The following EDNRB variants were observed in gnomAD, a reference collection of about 807,000 sequenced individuals.
EDNRB encodes Hirschsprung disease 2.
In EDNRB, 18 loss-of-function variants were observed where a neutral mutation model predicts 46.4. That is an observed-to-expected ratio of 0.39 (90% CI 0.27 to 0.57). The LOEUF is 0.57. EDNRB is among the 20% of genes least tolerant of loss of function. The probability of loss-of-function intolerance (pLI) is 0.61; values close to 1 mark genes in which losing one functional copy is unlikely to be tolerated. For synonymous variants in EDNRB, 213 were observed against 204.9 expected, an observed-to-expected ratio of 1.04 and a Z score of -0.34; for missense variants, 434 against 537.5, an observed-to-expected ratio of 0.81 and a Z score of 1.90.
intron 1 of EDNRB, among the ~76,000 whole-genome samples, chr13:77,958,742 C>T (rs867434871): frequency 2.0e-4 from 31 of 152,196 alleles, no homozygotes; most frequent in African/African-American, 7.2e-4. Flanking sequence ...TAAACAAGAT[C>T]TAAAGAAGTT....
Position 77,946,182 on chromosome 13 carries a change from T to C in EDNRB, c.-51-27558A>G, listed in dbSNP as rs985416217. Among the ~76,000 whole-genome samples the C allele has an allele frequency of 5.1e-4, 78 of 151,998 alleles. 2 individuals carry two copies. The highest frequency in any genetic ancestry group is 5.0e-3 in the Admixed American group (77 of 15,256). ...TGTAGATAAATTGCACACCTGTTTCTCTATAGAACAGTTATCTAAAGAAAA... is the reference window on the plus strand; with the variant it reads ...TGTAGATAAATTGCACACCTGTTTCCCTATAGAACAGTTATCTAAAGAAAA... On this transcript the variant is annotated intron_variant, in intron 1 of 7. Coordinates refer to the EDNRB transcript ENST00000646948.
chr13:77,950,736 T>C (rs748832168), intron 1 of EDNRB, among the ~76,000 whole-genome samples: 4 of 152,186 alleles, frequency 2.6e-5, no homozygotes, highest in African/African-American at 9.6e-5. Flanking sequence ...GTAGTTCCAG[T>C]AGGAGGCTCT....
chr13:77,937,087 C>T (rs1373877953), intron 1 of EDNRB, among the ~76,000 whole-genome samples: 1 of 152,150 alleles, frequency 6.6e-6, no homozygotes, highest in Admixed American at 6.5e-5. Flanking sequence ...ATAAGGCGGC[C>T]TTCTGGCCTT....
At chr13:77,904,737 A>C (rs531222970) in intron 1 of EDNRB, among the ~76,000 whole-genome samples, 114 of 152,130 alleles carry the variant, frequency 7.5e-4, no homozygotes, top group African/African-American at 2.6e-3. Flanking sequence ...CCACACTGGT[A>C]AATGAATCAT....
At chr13:77,899,732 A>T in intron 6 of EDNRB, 127 bp downstream of exon 6, 1 of 727,758 alleles carries the variant, frequency 1.4e-6, no homozygotes, top group Non-Finnish European at 2.3e-6. Flanking sequence ...AAAATCATCC[A>T]TGATGTAATA....
rs12720161 is a variant in EDNRB at position 77,918,058 on chromosome 13, A to C, written c.483+33T>G. The C allele has an allele frequency of 2.2e-4, 349 of 1,613,476 alleles. 2 individuals are homozygous for C. In the African/African-American group the frequency reaches 4.1e-3, roughly 19 times the overall value. ...CGTCTCCAACCAGGCCCCCTTCCTC[A>C]AGCCCACCATGATTTCAGCAGGCGC... On this transcript the variant is annotated intron_variant, in intron 1 of 6. Transcript: ENST00000646607. The surrounding 1 kb of genome is among the most constrained non-coding windows in gnomAD (Gnocchi z 4.5).
At chr13:77,907,525 T>G (rs1421426895) in intron 1 of EDNRB, among the ~76,000 whole-genome samples, 3 of 151,992 alleles carry the variant, frequency 2.0e-5, no homozygotes, top group African/African-American at 7.2e-5. Flanking sequence ...TAACTACCTA[T>G]CTACCTATCC....
intron 1 of EDNRB, among the ~76,000 whole-genome samples, chr13:77,906,459 T>C (rs533186053): frequency 3.4e-4 from 51 of 152,164 alleles, no homozygotes; most frequent in African/African-American, 8.7e-4. Flanking sequence ...TTTCAATGAA[T>C]ACAATGTGAC....
Position 77,918,493 on chromosome 13 carries a change from C to T in EDNRB, c.81G>A (p.Glu27=). Residue 27 remains glutamate (E), a synonymous_variant, in exon 1 of 7, where the codon GAG becomes GAA. Coordinates refer to ENST00000646607, the MANE Select transcript of EDNRB (RefSeq NM_001122659.3). This position sits in a 1 kb window ranked among gnomAD's most constrained non-coding sequence, Gnocchi z 4.5. Reference sequence around the variant, plus strand: ...CCCTGTCAGGCGGGAAGCCTCTCTCCTCTCCCCAGATCCGCGACAGGCCGC... The same window carrying T: ...CCCTGTCAGGCGGGAAGCCTCTCTCTTCTCCCCAGATCCGCGACAGGCCGC... ...LACGLSRIWG[E]ERGFPPDRAT... The T allele has an allele frequency of 6.4e-7, 1 of 1,570,548 alleles. No individual in the cohort carries two copies. Among genetic ancestry groups the T allele is most frequent in the African/African-American group, 1.4e-5 (1 of 73,280 alleles).
rs766362506 is a variant in EDNRB at position 77,918,177 on chromosome 13, G to T, written c.397C>A (p.Arg133=). 8.7e-6 allele frequency: 14 copies of T among 1,614,010 alleles called. No homozygotes were observed. Among genetic ancestry groups the T allele is most frequent in the Non-Finnish European group, 1.2e-5 (14 of 1,180,030 alleles). ...LRIIYKNKCM[R]NGPNILIASL... ...GCGATCAAGATATTGGGACCGTTTC[G>T]CATGCACTTGTTCTTGTAGATAATT... Residue 133 remains arginine (R), a synonymous_variant, in exon 1 of 7, where the codon CGA becomes AGA. Transcript: ENST00000646607. The surrounding 1 kb of genome is among the most constrained non-coding windows in gnomAD (Gnocchi z 4.5).
chr13:77,912,100 C>T (rs1206881060), intron 1 of EDNRB, among the ~76,000 whole-genome samples: 5 of 152,094 alleles, frequency 3.3e-5, no homozygotes, highest in Admixed American at 6.6e-5. Flanking sequence ...GGCCTGGAGA[C>T]AACAGGGTCT....
chr13:77,946,344 G>A (rs912026020), intron 1 of EDNRB, among the ~76,000 whole-genome samples: 7 of 152,262 alleles, frequency 4.6e-5, no homozygotes, highest in East Asian at 1.9e-4. Flanking sequence ...GAGGAGATAC[G>A]GAAGGAATGG....
At chr13:77,961,069 C>A (rs1462991605) in intron 1 of EDNRB, among the ~76,000 whole-genome samples, 1 of 152,170 alleles carries the variant, frequency 6.6e-6, no homozygotes, top group African/African-American at 2.4e-5. Flanking sequence ...TAGAAAGAGA[C>A]TTAGACTCCC....
rs1878619242 is a variant in EDNRB at position 77,896,282 on chromosome 13, T to C, written c.*1918A>G. 2 of 553,834 alleles carry C rather than the reference T, an allele frequency of 3.6e-6. No individual in the cohort carries two copies. The highest frequency in any genetic ancestry group is 5.3e-6 in the Non-Finnish European group (2 of 377,726). The allele number at this position is 553,834 out of a possible 1,614,324, so 34.3% of individuals were successfully genotyped here. Reference sequence around the variant, plus strand: ...ATCTAAAATTTAAATAGAAATTAAATATATTAATAAACTGTGAAAATATTA... The same window carrying C: ...ATCTAAAATTTAAATAGAAATTAAACATATTAATAAACTGTGAAAATATTA... On this transcript the variant is annotated 3_prime_UTR_variant, in exon 7 of 7. Transcript: ENST00000646607.
At chr13:77,971,551 G>T (rs1183543766) in intron 1 of EDNRB, among the ~76,000 whole-genome samples, 1 of 150,852 alleles carries the variant, frequency 6.6e-6, no homozygotes, top group African/African-American at 2.4e-5. Flanking sequence ...GTTTTGTCAG[G>T]TCAGGTAGCT....
In EDNRB at chr13:77,901,076, T is replaced by C; in HGVS notation, c.933A>G (p.Leu311=). Reference sequence around the variant, plus strand: ...TTCTTACCTGCTTTAGGTGATCATTTAAAGCAATCTGCATGCCACTTTTCT... The same window carrying C: ...TTCTTACCTGCTTTAGGTGATCATTCAAAGCAATCTGCATGCCACTTTTCT... The part of the protein sequence containing the change: ...LRKKSGMQIA[L]NDHLKQRREV... The change falls in exon 4 of 7, where the codon TTA becomes TTG. Residue 311 remains leucine, a synonymous_variant. Transcript: ENST00000646607. 6.2e-7 allele frequency: 1 copy of C among 1,610,892 alleles called. No homozygotes were observed. The highest frequency in any genetic ancestry group is 8.5e-7 in the Non-Finnish European group (1 of 1,178,272).
chr13:77,898,247 G>A lies in EDNRB; in HGVS notation c.1282C>T (p.His428Tyr), dbSNP rs1215746671. ...QSCLKFKAND[H>Y]GYDNFRSSNK... is the part of the protein sequence containing the mutation. ...CTGGAACGGAAGTTGTCATATCCGTGATCATTAGCTTTGAACTTTAAGCAC... is the reference window on the plus strand; with the variant it reads ...CTGGAACGGAAGTTGTCATATCCGTAATCATTAGCTTTGAACTTTAAGCAC... The change falls in exon 7 of 7, where the codon CAC (histidine) becomes TAC (tyrosine). Residue 428 changes from histidine to tyrosine, a missense_variant. Physicochemically the swap from His to Tyr is moderately conservative, Grantham distance 83. Coordinates refer to ENST00000646607, the MANE Select transcript of EDNRB (RefSeq NM_001122659.3). 1 of 1,611,942 alleles carries A rather than the reference G, an allele frequency of 6.2e-7. No homozygotes were observed. The highest frequency in any genetic ancestry group is 8.5e-7 in the Non-Finnish European group (1 of 1,178,820).
At chr13:77,919,479 G>A (rs1402683562), upstream of EDNRB, 2 of 1,612,842 alleles carry the variant, frequency 1.2e-6, no homozygotes, top group South Asian at 2.2e-5. Flanking sequence ...GTTCCAGCCT[G>A]CTCTGGGAGA....
intron 1 of EDNRB, among the ~76,000 whole-genome samples, chr13:77,962,382 A>G (rs1393225777): frequency 6.6e-6 from 1 of 152,232 alleles, no homozygotes; most frequent in Admixed American, 6.5e-5. Flanking sequence ...AAAATCCTCA[A>G]TAAAATACTG....
Sources: gnomAD v4.1 joint callset for allele counts (sites outside exome capture counted in the v4.1 genomes callset) on GRCh38, gnomAD v4.1.1 for gene constraint, Gnocchi (gnomAD v3.1) non-coding constraint, MANE v1.5 for transcripts, NCBI Gene and HGNC (gene_info 2026-07-23, HGNC 2026-07-21) for gene names.